The following RREB1 variants were observed in gnomAD, a reference collection of about 807,000 sequenced individuals.
The protein encoded by RREB1 is ras-responsive element-binding protein 1.
In RREB1, 27 loss-of-function variants were observed where a neutral mutation model predicts 117.8. That is an observed-to-expected ratio of 0.23 (90% CI 0.17 to 0.32). The LOEUF (loss-of-function observed/expected upper bound fraction) is 0.32. Among genes scored for constraint, RREB1 ranks in the 10% least tolerant of loss-of-function variants. The pLI is 1.00. For missense variants in RREB1, 2,577 were observed against 2,378.2 expected, an observed-to-expected ratio of 1.08 and a Z score of -1.74; for synonymous variants, 1,298 against 1,026.7, an observed-to-expected ratio of 1.26 and a Z score of -5.05.
Position 7,229,203 on chromosome 6 carries a change from C to T in RREB1, c.1104C>T (p.Gly368=). ...AGAAGGGCTTCCTGGCCTTGCTTGGCCTGCAGCACACCAAAGACGTCAGGC... is the reference window on the plus strand; with the variant it reads ...AGAAGGGCTTCCTGGCCTTGCTTGGTCTGCAGCACACCAAAGACGTCAGGC... ...LDQKGFLALL[G]LQHTKDVRPA... Residue 368 remains glycine (G), a synonymous_variant, in exon 10 of 13, where the codon GGC becomes GGT. Coordinates refer to ENST00000379938, the MANE Select transcript of RREB1 (RefSeq NM_001003699.4). This position sits in a 1 kb window ranked among gnomAD's most constrained non-coding sequence, Gnocchi z 4.5. The T allele has an allele frequency of 6.2e-7, 1 of 1,612,428 alleles. No individual in the cohort carries two copies. Among genetic ancestry groups the T allele is most frequent in the Non-Finnish European group, 8.5e-7 (1 of 1,178,862 alleles).
At chr6:7,214,436 C>G (rs1405174612) in intron 8 of RREB1, 1 of 152,244 alleles carries the variant, frequency 6.6e-6, no homozygotes, top group Admixed American at 6.5e-5. Context: ...TGGGGGCACA[C>G]AGGCCACCCC....
chr6:7,230,717 G>T lies in RREB1; in HGVS notation c.2618G>T (p.Gly873Val), dbSNP rs765858464. The T allele has an allele frequency of 1.0e-5, 16 of 1,596,832 alleles. No individual in the cohort carries two copies. Among genetic ancestry groups the T allele is most frequent in the South Asian group, 3.4e-5 (3 of 88,442 alleles). ...LEPQNGFLHRGPTQPPPPHVS... is the reference protein window; with the variant it reads ...LEPQNGFLHRVPTQPPPPHVS... ...CCCCAGAACGGCTTTCTTCACAGGG[G>T]CCCCACCCAGCCTCCACCTCCCCAT... The change falls in exon 10 of 13, where the codon GGC becomes GTC. Residue 873 changes from glycine to valine, a missense_variant. Physicochemically the swap from Gly to Val is moderately radical, Grantham distance 109. Coordinates refer to ENST00000379938, the MANE Select transcript of RREB1 (RefSeq NM_001003699.4).
intron 1 of RREB1, among the ~76,000 whole-genome samples, chr6:7,133,123 G>C (rs1762220951): frequency 6.6e-6 from 1 of 152,136 alleles, no homozygotes; most frequent in African/African-American, 2.4e-5. Flanking sequence ...CATTGCACTG[G>C]AAGGGGCCTC....
In RREB1 at chr6:7,230,958, C is replaced by T. The variant is rs758508788; in HGVS notation, c.2859C>T (p.Pro953=). 1.4e-5 allele frequency: 22 copies of T among 1,613,938 alleles called. No homozygotes were observed. The Admixed American group carries it at 1.5e-4, about 11-fold the overall frequency. ...AAGGGGACAAGGATTTGGCCACTCC[C>T]AGCGAAGCCAAGAAGCCTGAGGAGG... ...FRKGDKDLAT[P]SEAKKPEEEA... Residue 953 remains proline, a synonymous_variant, in exon 10 of 13, where the codon CCC becomes CCT. Transcript: ENST00000379938.
chr6:7,215,201 T>A (rs1460526828), intron 8 of RREB1: 1 of 152,328 alleles, frequency 6.6e-6, no homozygotes, highest in Admixed American at 6.5e-5. Context: ...GGGCATTGAA[T>A]GTCCATCAGA....
intron 1 of RREB1, among the ~76,000 whole-genome samples, chr6:7,122,907 A>G (rs1181058600): frequency 6.6e-6 from 1 of 152,164 alleles, no homozygotes; most frequent in African/African-American, 2.4e-5. Flanking sequence ...ACAAGCATGT[A>G]TCAGCTCACT....
chr6:7,141,797 T>A (rs926464278), intron 1 of RREB1, among the ~76,000 whole-genome samples: 22 of 152,182 alleles, frequency 1.4e-4, no homozygotes, highest in Non-Finnish European at 3.2e-4. Context: ...GGGGCGTGTG[T>A]AGGACAGAGC....
chr6:7,156,465 C>G (rs532690118), intron 1 of RREB1, among the ~76,000 whole-genome samples: 1 of 152,182 alleles, frequency 6.6e-6, no homozygotes, highest in East Asian at 1.9e-4. Context: ...TGCTTTTTGC[C>G]TCTTAAGAGG....
chr6:7,196,710 CTTATA>C (rs1331534584), intron 6 of RREB1, among the ~76,000 whole-genome samples: 1 of 152,028 alleles, frequency 6.6e-6, no homozygotes, highest in Non-Finnish European at 1.5e-5. Flanking sequence ...TAATTTATTA[CTTATA>C]TTATTTTAAT....
intron 6 of RREB1, among the ~76,000 whole-genome samples, chr6:7,203,560 G>T (rs1766106678): frequency 6.6e-6 from 1 of 152,182 alleles, no homozygotes; most frequent in Non-Finnish European, 1.5e-5. Context: ...CCCCATGCCT[G>T]GGTTTGGAGA....
At chr6:7,211,175 T>C (rs1389490016) in intron 7 of RREB1, among the ~76,000 whole-genome samples, 1 of 152,248 alleles carries the variant, frequency 6.6e-6, no homozygotes, top group Non-Finnish European at 1.5e-5. Context: ...CTTTTACAAT[T>C]GTTTCCATGC....
intron 1 of RREB1, among the ~76,000 whole-genome samples, chr6:7,149,364 G>A (rs1763013296): frequency 2.0e-5 from 3 of 152,190 alleles, no homozygotes; most frequent in Admixed American, 1.3e-4. Flanking sequence ...CATAGTCTCT[G>A]TAGAAAAGGA....
chr6:7,179,066 G>A (rs1764653297), intron 2 of RREB1, among the ~76,000 whole-genome samples: 1 of 152,010 alleles, frequency 6.6e-6, no homozygotes, highest in African/African-American at 2.4e-5. Context: ...CTGGCAATTT[G>A]GCTCTGTTTA....
intron 11 of RREB1, among the ~76,000 whole-genome samples, chr6:7,245,976 T>C (rs1034668927): frequency 2.0e-5 from 3 of 152,164 alleles, no homozygotes; most frequent in Non-Finnish European, 2.9e-5. Context: ...GGATTAGGGG[T>C]AGGGGTGGTC....
intron 1 of RREB1, among the ~76,000 whole-genome samples, chr6:7,126,136 G>A (rs1412489592): frequency 2.7e-5 from 4 of 149,856 alleles, no homozygotes; most frequent in Admixed American, 1.3e-4. Flanking sequence ...TGAGTAGCTG[G>A]GATTACAGGT....
intron 1 of RREB1, among the ~76,000 whole-genome samples, chr6:7,109,471 GGC>G (rs1372404794): frequency 2.0e-5 from 3 of 152,004 alleles, no homozygotes; most frequent in African/African-American, 7.2e-5. Context: ...GTGAGTGCGG[GGC>G]GCGTCGGCCG....
At position 7,250,555 on chromosome 6, in the gene RREB1, G is replaced by C. The variant is rs1769364798; in HGVS notation, c.*1587G>C. ...CTCAGGGGTCCCCAGCCAGCCTGCT[G>C]CTGGGGACCCCTGTGCTTGCTGCAG... On this transcript the variant is annotated 3_prime_UTR_variant, in exon 13 of 13. Transcript: ENST00000379938. The C allele has an allele frequency of 6.6e-6, 1 of 151,860 alleles. No individual in the cohort carries two copies. Among genetic ancestry groups the C allele is most frequent in the South Asian group, 2.1e-4 (1 of 4,802 alleles). The allele number at this position is 151,860 out of a possible 1,614,324, so 9.4% of individuals were successfully genotyped here.
chr6:7,145,246 G>T (rs569637572), intron 1 of RREB1, among the ~76,000 whole-genome samples: 1 of 152,190 alleles, frequency 6.6e-6, no homozygotes, highest in Non-Finnish European at 1.5e-5. Context: ...ATGTGTGGTC[G>T]CATGTTTTGG....
chr6:7,197,246 AT>A (rs919726732), intron 6 of RREB1, among the ~76,000 whole-genome samples: 1 of 152,188 alleles, frequency 6.6e-6, no homozygotes, highest in South Asian at 2.1e-4. Flanking sequence ...TAGGAAATTA[AT>A]TTTCACTTTG....
Sources: gnomAD v4.1 joint callset for allele counts (sites outside exome capture counted in the v4.1 genomes callset) on GRCh38, gnomAD v4.1.1 for gene constraint, Gnocchi (gnomAD v3.1) non-coding constraint, MANE v1.5 for transcripts, NCBI Gene and HGNC (gene_info 2026-07-23, HGNC 2026-07-21) for gene names.